The following KLHL21 variants were observed in gnomAD, a reference collection of about 807,000 sequenced individuals.
KLHL21 encodes kelch-like protein 21.
A neutral mutation model predicts 44.1 loss-of-function variants in KLHL21; 42 were observed. The observed-to-expected ratio is 0.95, with a 90% CI of 0.74 to 1.23. The LOEUF is 1.23. KLHL21 is among the 50% of genes most tolerant of loss of function. The pLI is 0.00. For missense variants in KLHL21, 918 were observed against 889.1 expected (o/e 1.03, Z -0.41); for synonymous variants, 524 against 411.6 (o/e 1.27, Z -3.31).
At position 6,591,001 on chromosome 1, in the gene KLHL21, C is replaced by T. The variant is rs781773202; in HGVS notation, c.*2364G>A. 1.3e-5 allele frequency: 5 copies of T among 398,560 alleles called. No individual in the cohort carries two copies. Among genetic ancestry groups the T allele is most frequent in the Non-Finnish European group, 1.8e-5 (4 of 226,090 alleles). 24.7% of individuals were successfully genotyped at this position (398,560 alleles called of 1,614,324 possible). A position where few individuals can be genotyped will look rare whatever the true frequency, so the allele number is the denominator to read the frequency against. On this transcript the variant is annotated 3_prime_UTR_variant, in exon 4 of 4. Coordinates refer to ENST00000377658, the MANE Select transcript of KLHL21 (RefSeq NM_014851.4). ...TTTGTGCTGTAGACAAAGTTCTGTA[C>T]ATGTAACATGTGGCCATGCCCAGGC...
chr1:6,600,711 G>C (rs1477762082), intron 1 of KLHL21, among the ~76,000 whole-genome samples: 3 of 152,260 alleles, frequency 2.0e-5, no homozygotes, highest in Admixed American at 6.5e-5. Flanking sequence ...TGGGGCCAGT[G>C]TGGCCAGTTC....
intron 2 of KLHL21, among the ~76,000 whole-genome samples, chr1:6,597,980 A>G (rs1441430609): frequency 2.0e-5 from 3 of 152,234 alleles, no homozygotes; most frequent in Admixed American, 6.5e-5. Context: ...GCCAGCAGAC[A>G]TATGATGACC....
chr1:6,593,494 A>G lies in KLHL21; in HGVS notation c.1665T>C (p.Ser555=), dbSNP rs1256569546. 6.2e-7 allele frequency: 1 copy of G among 1,613,758 alleles called. No individual in the cohort carries two copies. The highest frequency in any genetic ancestry group is 1.7e-5 in the Admixed American group (1 of 60,028). The change falls in exon 4 of 4, where the codon AGT becomes AGC. Residue 555 remains serine (S), a synonymous_variant. Coordinates refer to ENST00000377658, the MANE Select transcript of KLHL21 (RefSeq NM_014851.4). Reference sequence around the variant, plus strand: ...GCATGAACTGGCGGAAGATGCTGACACTGCCATGCCAGAAGGTGGGTTCTG... The same window carrying G: ...GCATGAACTGGCGGAAGATGCTGACGCTGCCATGCCAGAAGGTGGGTTCTG... ...RLPEPTFWHG[S]VSIFRQFMPQ...
In KLHL21 at chr1:6,602,446, C is replaced by A; in HGVS notation, c.372G>T (p.Ala124=). 1 of 1,587,940 alleles carries A rather than the reference C, an allele frequency of 6.3e-7. No individual in the cohort carries two copies. The highest frequency in any genetic ancestry group is 8.5e-7 in the Non-Finnish European group (1 of 1,172,566). ...GCTGCTGCTGCAGGAAGGCCCCGCACGCCTCCTTCACGGCCGGGAACTGCA... is the reference window on the plus strand; with the variant it reads ...GCTGCTGCTGCAGGAAGGCCCCGCAAGCCTCCTTCACGGCCGGGAACTGCA... ...DLLQFPAVKE[A]CGAFLQQQLD... is the part of the protein sequence containing the mutation. The change falls in exon 1 of 4, where the codon GCG becomes GCT. Residue 124 remains alanine, a synonymous_variant. Transcript: ENST00000377658.
At chr1:6,598,210 C>T (rs1490106996) in intron 2 of KLHL21, among the ~76,000 whole-genome samples, 2 of 152,100 alleles carry the variant, frequency 1.3e-5, no homozygotes, top group East Asian at 1.9e-4. Flanking sequence ...AAATGTGAGA[C>T]GATTGTTTGA....
At chr1:6,600,815 G>C (rs1641005884) in intron 1 of KLHL21, among the ~76,000 whole-genome samples, 1 of 152,216 alleles carries the variant, frequency 6.6e-6, no homozygotes, top group African/African-American at 2.4e-5. Context: ...CCTTGGATTG[G>C]AAAGAGGCAC....
At chr1:6,598,524 C>T (rs1005339734) in intron 2 of KLHL21, among the ~76,000 whole-genome samples, 33 of 149,692 alleles carry the variant, frequency 2.2e-4, no homozygotes, top group African/African-American at 7.4e-4. Flanking sequence ...GAGCCAAGAT[C>T]GCGCCACTGT....
intron 3 of KLHL21, 76 bp from the exon 4 acceptor site, chr1:6,593,734 G>C: frequency 1.4e-6 from 2 of 1,479,550 alleles, no homozygotes; most frequent in Non-Finnish European, 1.8e-6. Context: ...AACCACTGGA[G>C]ACAAGGCATG....
chr1:6,602,647 G>A lies in KLHL21; in HGVS notation c.171C>T (p.Ala57=), dbSNP rs1360340256. The A allele has an allele frequency of 4.0e-6, 6 of 1,515,918 alleles. No homozygotes were observed. Among genetic ancestry groups the A allele is most frequent in the Non-Finnish European group, 5.3e-6 (6 of 1,138,796 alleles). The allele number at this position is 1,515,918 out of a possible 1,614,324, so 93.9% of individuals were successfully genotyped here. ...CGAACATGGCGCGGAAGTAGGGGCT[G>A]GCGGCGGCCAGCACCGCACGGTGCG... is the stretch of plus-strand genomic sequence containing the variant. The part of the protein sequence containing the change: ...FPAHRAVLAA[A]SPYFRAMFAG... Residue 57 remains alanine, a synonymous_variant, in exon 1 of 4, where the codon GCC becomes GCT. Transcript: ENST00000377658.
chr1:6,596,419 A>C (rs1014037572), intron 2 of KLHL21, among the ~76,000 whole-genome samples: 3 of 152,178 alleles, frequency 2.0e-5, no homozygotes, highest in Non-Finnish European at 4.4e-5. Context: ...AGGCATAGTG[A>C]GTGAGACTTC....
chr1:6,601,701 G>C (rs952033821), intron 1 of KLHL21, 96 bp downstream of exon 1: 1 of 1,447,796 alleles, frequency 6.9e-7, no homozygotes, highest in African/African-American at 1.4e-5. Context: ...GCGCCCCTAG[G>C]ATTCCAGGCT....
At chr1:6,597,279 A>C (rs1232990060) in intron 2 of KLHL21, among the ~76,000 whole-genome samples, 1 of 152,190 alleles carries the variant, frequency 6.6e-6, no homozygotes, top group Non-Finnish European at 1.5e-5. Context: ...CCCAGCAGGC[A>C]GACCTCCCTG....
chr1:6,602,641 G>C lies in KLHL21; in HGVS notation c.177C>G (p.Pro59=). 1 of 1,515,338 alleles carries C rather than the reference G, an allele frequency of 6.6e-7. No homozygotes were observed. The highest frequency in any genetic ancestry group is 8.8e-7 in the Non-Finnish European group (1 of 1,138,394). 93.9% of individuals were successfully genotyped at this position (1,515,338 alleles called of 1,614,324 possible). ...AHRAVLAAAS[P]YFRAMFAGQL... ...GCCCCGCGAACATGGCGCGGAAGTA[G>C]GGGCTGGCGGCGGCCAGCACCGCAC... The change falls in exon 1 of 4, where the codon CCC becomes CCG. Residue 59 remains proline, a synonymous_variant. Transcript: ENST00000377658.
intron 2 of KLHL21, among the ~76,000 whole-genome samples, chr1:6,597,099 G>GC (rs1162737497): frequency 1.3e-5 from 2 of 152,228 alleles, no homozygotes; most frequent in Non-Finnish European, 2.9e-5. Context: ...GAGCCTGGGC[G>GC]CCCCTCCTCT....
chr1:6,600,074 C>T (rs1640994236), intron 1 of KLHL21, among the ~76,000 whole-genome samples: 1 of 151,974 alleles, frequency 6.6e-6, no homozygotes, highest in Admixed American at 6.6e-5. Flanking sequence ...GAGACAGAGT[C>T]TTGCTCTGTC....
In KLHL21 at chr1:6,595,235, C is replaced by A. The variant is rs1164628393; in HGVS notation, c.1500+250G>T. 7 of 611,912 alleles carry A rather than the reference C, an allele frequency of 1.1e-5. No individual in the cohort carries two copies. The East Asian group carries it at 1.7e-4, about 15-fold the overall frequency. The allele number at this position is 611,912 out of a possible 1,614,324, so 37.9% of individuals were successfully genotyped here. A position where few individuals can be genotyped will look rare whatever the true frequency, so the allele number is the denominator to read the frequency against. On this transcript the variant is annotated intron_variant, in intron 3 of 3. Coordinates refer to ENST00000377658, the MANE Select transcript of KLHL21 (RefSeq NM_014851.4). ...CCTTGCTCCCTCACTTCCTTCTGCT[C>A]TCTGGCTCACAGCAGATACTCAATA...
intron 2 of KLHL21, among the ~76,000 whole-genome samples, 192 bp downstream of exon 2, chr1:6,598,855 C>G (rs894856811): frequency 6.6e-6 from 1 of 152,232 alleles, no homozygotes. Flanking sequence ...AGCACTCCAG[C>G]CTGGGCGACA....
rs903626854 is a variant in KLHL21 at position 6,592,646 on chromosome 1, C to A, written c.*719G>T. ...TTGGCTGGGTGTCAATGATCACCTC[C>A]CAGGGCCTCCCGGGAAGGAGAGGGT... On this transcript the variant is annotated 3_prime_UTR_variant, in exon 4 of 4. Transcript: ENST00000377658. 2.6e-5 allele frequency: 4 copies of A among 152,278 alleles called. No individual in the cohort carries two copies. The highest frequency in any genetic ancestry group is 2.4e-5 in the African/African-American group (1 of 41,458). 9.4% of individuals were successfully genotyped at this position (152,278 alleles called of 1,614,324 possible).
Position 6,602,078 on chromosome 1 carries a change from C to T in KLHL21, c.740G>A (p.Cys247Tyr), listed in dbSNP as rs1413823059. Residue 247 changes from cysteine to tyrosine, a missense_variant, in exon 1 of 4, where the codon TGC becomes TAC. Coordinates refer to ENST00000377658, the MANE Select transcript of KLHL21 (RefSeq NM_014851.4). Reference sequence around the variant, plus strand: ...GCGCAGCAGGCGCAGGCAGGGTGGGCAGCGCGCCACCAGCGGCTCGGCCTC... The same window carrying T: ...GCGCAGCAGGCGCAGGCAGGGTGGGTAGCGCGCCACCAGCGGCTCGGCCTC... ...HVEAEPLVARCPPCLRLLREA... is the reference protein window; with the variant it reads ...HVEAEPLVARYPPCLRLLREA... The T allele has an allele frequency of 5.4e-6, 8 of 1,492,250 alleles. No individual in the cohort carries two copies. In the East Asian group the frequency reaches 1.3e-4, roughly 25 times the overall value. 92.4% of individuals were successfully genotyped at this position (1,492,250 alleles called of 1,614,324 possible).
Sources: allele counts gnomAD v4.1 joint callset (sites outside exome capture counted in the v4.1 genomes callset), GRCh38; gene constraint gnomAD v4.1.1; transcripts MANE v1.5; gene names NCBI Gene and HGNC (gene_info 2026-07-23, HGNC 2026-07-21).